OGG1: variants seen among roughly 807,000 people sequenced by gnomAD.
The protein encoded by OGG1 is N-glycosylase/DNA lyase.
OGG1 carries 35 observed loss-of-function variants against 42.3 expected under a neutral mutation model. The observed-to-expected ratio is 0.83, with a 90% CI of 0.63 to 1.10. OGG1 has a LOEUF of 1.10. OGG1 is among the 50% of genes least tolerant of loss of function. The pLI, the probability that OGG1 is intolerant of heterozygous loss-of-function variation, is 0.00. For synonymous variants in OGG1, 189 were observed against 179.0 expected (o/e 1.06, Z -0.44); for missense variants, 484 against 446.7 (o/e 1.08, Z -0.75).
intron 7 of OGG1, chr3:9,765,657 G>A: frequency 7.3e-7 from 1 of 1,360,972 alleles, no homozygotes; most frequent in Non-Finnish European, 1.0e-6. Flanking sequence ...GGCAATTTAA[G>A]GCTTAGAGAG....
In OGG1 at chr3:9,757,273, G is replaced by C; in HGVS notation, c.*123G>C. The C allele has an allele frequency of 6.2e-7, 1 of 1,614,184 alleles. No homozygotes were observed. The highest frequency in any genetic ancestry group is 8.5e-7 in the Non-Finnish European group (1 of 1,180,036). ...CTCCCTGTGACTACCTCAAAGGCCA[G>C]GCACCCCCAAATCAAGCAGTCAGTT... is the stretch of plus-strand genomic sequence containing the variant. On this transcript the variant is annotated 3_prime_UTR_variant, in exon 7 of 7. Coordinates refer to ENST00000344629, the MANE Select transcript of OGG1 (RefSeq NM_002542.6). This position sits in a 1 kb window ranked among gnomAD's most constrained non-coding sequence, Gnocchi z 4.5.
downstream of OGG1, chr3:9,760,634 A>G (rs2077813266): frequency 6.2e-7 from 1 of 1,612,186 alleles, no homozygotes; most frequent in Non-Finnish European, 8.5e-7. Flanking sequence ...GGCCCAGGGG[A>G]AAAAAGCAAA....
At chr3:9,761,645 G>A (rs756053756), downstream of OGG1, 4 of 1,614,182 alleles carry the variant, frequency 2.5e-6, no homozygotes, top group Admixed American at 5.0e-5. Flanking sequence ...GTATCCCGGA[G>A]TTCCACAGGC....
At chr3:9,784,019 A>G in intron 3 of OGG1, 3 of 1,611,736 alleles carry the variant, frequency 1.9e-6, no homozygotes, top group Non-Finnish European at 2.5e-6. Flanking sequence ...GCATCCTGCT[A>G]ACGCTCACCT....
At chr3:9,754,478 C>T (rs186022998) in intron 3 of OGG1, among the ~76,000 whole-genome samples, 17 of 152,270 alleles carry the variant, frequency 1.1e-4, no homozygotes, top group South Asian at 4.1e-4. Flanking sequence ...ACTTGGGCTC[C>T]GGGGCCAATT....
At chr3:9,772,002 A>G (rs972034481) in intron 2 of OGG1, among the ~76,000 whole-genome samples, 1 of 151,694 alleles carries the variant, frequency 6.6e-6, no homozygotes, top group African/African-American at 2.4e-5. Flanking sequence ...TTTTTAGTAG[A>G]GATGGGGGTT....
chr3:9,749,995 C>G lies in OGG1; in HGVS notation c.-292C>G. The G allele has an allele frequency of 2.1e-6, 1 of 482,246 alleles. No homozygotes were observed. The highest frequency in any genetic ancestry group is 2.7e-5 in the South Asian group (1 of 36,564). The allele number at this position is 482,246 out of a possible 1,614,324, so 29.9% of individuals were successfully genotyped here. On this transcript the variant is annotated 5_prime_UTR_variant, in exon 1 of 7. Transcript: ENST00000344629. ...CCCTGGAGAACCCAGAAGAACACAG[C>G]TGTGCGCGCCCACAGGCTCTGGGGG...
intron 2 of OGG1, among the ~76,000 whole-genome samples, chr3:9,777,559 G>A (rs2078380767): frequency 6.6e-6 from 1 of 152,138 alleles, no homozygotes; most frequent in African/African-American, 2.4e-5. Context: ...TAGGAGGGGT[G>A]GGTAAAGGGC....
rs761514066 is a variant in OGG1, at chr3:9,757,289, G to A, written c.*139G>A. 3.1e-6 allele frequency: 5 copies of A among 1,614,186 alleles called. No individual in the cohort carries two copies. The South Asian group carries it at 4.4e-5, about 14-fold the overall frequency. ...CAAAGGCCAGGCACCCCCAAATCAA[G>A]CAGTCAGTTTGCACAACAAGATGGG... is the stretch of plus-strand genomic sequence containing the variant. On this transcript the variant is annotated 3_prime_UTR_variant, in exon 7 of 7. Coordinates refer to ENST00000344629, the MANE Select transcript of OGG1 (RefSeq NM_002542.6). This position sits in a 1 kb window ranked among gnomAD's most constrained non-coding sequence, Gnocchi z 4.5.
intron 1 of OGG1, chr3:9,750,709 C>T (rs2077260809): frequency 1.5e-5 from 10 of 688,556 alleles, no homozygotes; most frequent in South Asian, 1.3e-4. Flanking sequence ...AGGCCCATTC[C>T]AGCCTCGACC....
chr3:9,781,466 G>A (rs769794128), intron 2 of OGG1: 52 of 450,680 alleles, frequency 1.2e-4, no homozygotes, highest in South Asian at 7.0e-4. Flanking sequence ...GGGGAGATCT[G>A]GAGCAGGCTG....
downstream of OGG1, chr3:9,761,315 A>T (rs191275029): frequency 5.4e-5 from 42 of 784,908 alleles, 1 homozygote; most frequent in African/African-American, 7.0e-4. Flanking sequence ...TATCTATTGA[A>T]TGAAGTAATA....
downstream of OGG1, chr3:9,767,885 G>T: frequency 2.9e-6 from 4 of 1,385,614 alleles, no homozygotes; most frequent in African/African-American, 1.5e-5. Flanking sequence ...ATTCATCCTT[G>T]ATTCATCCAT....
intron 3 of OGG1, 142 bp downstream of exon 3, chr3:9,752,091 CCA>C (rs1266876761): frequency 5.4e-6 from 4 of 736,702 alleles, no homozygotes; most frequent in Non-Finnish European, 9.3e-6. Flanking sequence ...CTGATCAACT[CCA>C]GTTACTCATC....
chr3:9,790,978 C>G (rs2078716095), downstream of OGG1, among the ~76,000 whole-genome samples: 1 of 152,218 alleles, frequency 6.6e-6, no homozygotes, highest in East Asian at 1.9e-4. Context: ...ACAGCCATAA[C>G]TGTCCTAATT....
At chr3:9,750,457 G>C (rs745922287) in intron 1 of OGG1, 34 bp downstream of exon 1, 2 of 1,612,456 alleles carry the variant, frequency 1.2e-6, no homozygotes, top group Non-Finnish European at 1.7e-6. Flanking sequence ...CTGTCCCCTC[G>C]GACTGGCTCC....
rs571374494 is a variant in OGG1 at position 9,763,455 on chromosome 3, C to A, written c.1049-2354C>A. ...TTAGAGCTCAGGACAGCTCAGCCAC[C>A]CCCAACCCCCGACCACTGCCTACAT... is the stretch of plus-strand genomic sequence containing the variant. On this transcript the variant is annotated intron_variant, in intron 7 of 7. Coordinates refer to the OGG1 transcript ENST00000302008. Among the ~76,000 whole-genome samples the A allele has an allele frequency of 7.9e-5, 12 of 151,968 alleles. No individual in the cohort carries two copies. In the South Asian group the frequency reaches 2.5e-3, roughly 32 times the overall value.
intron 2 of OGG1, among the ~76,000 whole-genome samples, chr3:9,751,543 A>G (rs1386607597): frequency 2.6e-5 from 4 of 152,168 alleles, no homozygotes; most frequent in African/African-American, 4.8e-5. Flanking sequence ...GCCAGTCCTC[A>G]TGGAGCTTAC....
chr3:9,757,055 C>G lies in OGG1; in HGVS notation c.949-6C>G, dbSNP rs770921764. 2 of 1,614,092 alleles carry G rather than the reference C, an allele frequency of 1.2e-6. No individual in the cohort carries two copies. The highest frequency in any genetic ancestry group is 3.3e-5 in the Admixed American group (2 of 60,034). The stretch of plus-strand genomic sequence containing the variant: ...TCCTCCCCACACAGACTCCACCCTC[C>G]TACAGGTGCTGTTCAGTGCCGACCT... On this transcript the variant is annotated splice_region_variant and splice_polypyrimidine_tract_variant and intron_variant, in intron 6 of 6. Coordinates refer to ENST00000344629, the MANE Select transcript of OGG1 (RefSeq NM_002542.6). This position sits in a 1 kb window ranked among gnomAD's most constrained non-coding sequence, Gnocchi z 4.5.
Sources: allele counts gnomAD v4.1 joint callset (sites outside exome capture counted in the v4.1 genomes callset), GRCh38; gene constraint gnomAD v4.1.1; non-coding constraint Gnocchi (gnomAD v3.1); transcripts MANE v1.5; gene names NCBI Gene and HGNC (gene_info 2026-07-23, HGNC 2026-07-21).